Variants in PTPN3 observed in about 807,000 individuals in gnomAD.
PTPN3 encodes tyrosine-protein phosphatase non-receptor type 3.
A neutral mutation model predicts 132.7 loss-of-function variants in PTPN3; 96 were observed. The observed-to-expected ratio is 0.72, with a 90% confidence interval of 0.61 to 0.86. PTPN3 has a LOEUF of 0.86. Among genes scored for constraint, PTPN3 ranks in the 40% least tolerant of loss-of-function variants. PTPN3 has a pLI of 0.00. For synonymous variants in PTPN3, 398 were observed against 429.0 expected (o/e 0.93, Z 0.89); for missense variants, 1,125 against 1,159.6 (o/e 0.97, Z 0.43).
chr9:109,505,479 A>G, the PTPN3 span, among the ~76,000 whole-genome samples: 2 of 152,090 alleles, frequency 1.3e-5, no homozygotes, highest in South Asian at 2.1e-4. Flanking sequence ...AGGTCTTGCT[A>G]TTTTGGCCAG....
In PTPN3 at chr9:109,458,646, G is replaced by A. The variant is rs1003643705; in HGVS notation, c.139-1247C>T. Among the ~76,000 whole-genome samples the A allele has an allele frequency of 2.0e-5, 3 of 152,026 alleles. 1 individual carries two copies. Among genetic ancestry groups the A allele is most frequent in the Non-Finnish European group, 1.5e-5 (1 of 68,018 alleles). Reference sequence around the variant, plus strand: ...TCTGAAGTGTGGGAACATGAAACACGCCCATTTCCTGAACATGCCCCCTTT... The same window carrying A: ...TCTGAAGTGTGGGAACATGAAACACACCCATTTCCTGAACATGCCCCCTTT... On this transcript the variant is annotated intron_variant, in intron 2 of 25. Transcript: ENST00000374541.
rs560987798 is a variant in PTPN3, at chr9:109,472,455, TTTA to T, written c.-17-9007_-17-9005del. ...AATATTTTCTGTTTTCACCATCATTTTTATTTTTTTGCGAACGTTCTTAATGAA... is the reference window on the plus strand; with the variant it reads ...AATATTTTCTGTTTTCACCATCATTTTTTTTTTGCGAACGTTCTTAATGAA... On this transcript the variant is annotated intron_variant, in intron 1 of 25. Transcript: ENST00000374541. Among the ~76,000 whole-genome samples, 19 of 152,372 alleles carry T rather than the reference TTTA, an allele frequency of 1.2e-4. No individual in the cohort carries two copies. In the East Asian group the frequency reaches 3.3e-3, roughly 26 times the overall value.
At chr9:109,408,806 T>A (rs1408900712) in intron 16 of PTPN3, among the ~76,000 whole-genome samples, 15 of 142,770 alleles carry the variant, frequency 1.1e-4, no homozygotes, top group Non-Finnish European at 1.2e-4. Context: ...AATATATATA[T>A]ATATATATAT....
At chr9:109,386,086 G>A (rs1839559087) in intron 22 of PTPN3, among the ~76,000 whole-genome samples, 1 of 152,186 alleles carries the variant, frequency 6.6e-6, no homozygotes, top group Admixed American at 6.5e-5. Flanking sequence ...TCAGAGAAAG[G>A]GATAAATCTG....
chr9:109,516,061 G>A, the PTPN3 span, among the ~76,000 whole-genome samples: 2 of 152,204 alleles, frequency 1.3e-5, no homozygotes, highest in Non-Finnish European at 2.9e-5. Flanking sequence ...TCCACTAGCT[G>A]TGAAACCAGA....
At chr9:109,479,607 T>C (rs1005568877) in intron 1 of PTPN3, among the ~76,000 whole-genome samples, 2 of 152,224 alleles carry the variant, frequency 1.3e-5, no homozygotes, top group Non-Finnish European at 2.9e-5. Flanking sequence ...GACACAGTCT[T>C]CCTCTGTTGC....
intron 5 of PTPN3, chr9:109,449,984 A>C: frequency 1.0e-6 from 1 of 984,208 alleles, no homozygotes; most frequent in Non-Finnish European, 1.2e-6. Context: ...TAAGGTAGGT[A>C]CCACTATCTC....
chr9:109,389,396 A>G lies in PTPN3; in HGVS notation c.2107-17T>C, dbSNP rs544764332. On this transcript the variant is annotated splice_polypyrimidine_tract_variant and intron_variant, in intron 21 of 25. Transcript: ENST00000374541. Reference sequence around the variant, plus strand: ...AATTTCCATCTGGTAAGAAATTGGTAAAGTATTAGAATCTGTTGCTGCCCC... The same window carrying G: ...AATTTCCATCTGGTAAGAAATTGGTGAAGTATTAGAATCTGTTGCTGCCCC... The G allele has an allele frequency of 5.0e-6, 8 of 1,611,232 alleles. No homozygotes were observed. The Middle Eastern group carries it at 5.0e-4, about 101-fold the overall frequency.
At chr9:109,387,033 A>G (rs1839644008) in intron 22 of PTPN3, among the ~76,000 whole-genome samples, 1 of 152,158 alleles carries the variant, frequency 6.6e-6, no homozygotes, top group African/African-American at 2.4e-5. Flanking sequence ...AGGGAGGGGT[A>G]AGACCGATTC....
chr9:109,528,553 A>G, the PTPN3 span, among the ~76,000 whole-genome samples: 1 of 152,160 alleles, frequency 6.6e-6, no homozygotes, highest in Non-Finnish European at 1.5e-5. Flanking sequence ...AAGGCAAAAT[A>G]GTGTTTATCT....
the PTPN3 span, among the ~76,000 whole-genome samples, chr9:109,508,316 A>G: frequency 6.6e-6 from 1 of 151,916 alleles, no homozygotes; most frequent in Non-Finnish European, 1.5e-5. Flanking sequence ...GCCTGCCACT[A>G]TGCCTGGCTA....
chr9:109,407,964 C>T (rs1355277226), intron 17 of PTPN3, among the ~76,000 whole-genome samples: 1 of 152,228 alleles, frequency 6.6e-6, no homozygotes, highest in Non-Finnish European at 1.5e-5. Context: ...ACAGGGCCCA[C>T]GTGCCCACTT....
At chr9:109,459,090 G>A (rs1202830027) in intron 2 of PTPN3, among the ~76,000 whole-genome samples, 17 of 152,172 alleles carry the variant, frequency 1.1e-4, no homozygotes, top group Admixed American at 1.0e-3. Flanking sequence ...CCTCTGAAGT[G>A]CATAATTCAC....
the PTPN3 span, among the ~76,000 whole-genome samples, chr9:109,536,985 G>C: frequency 6.6e-6 from 1 of 151,944 alleles, no homozygotes; most frequent in African/African-American, 2.4e-5. Flanking sequence ...TGTGGTTGGA[G>C]TGTGCGTTTG....
chr9:109,483,319 G>A (rs918984453), intron 1 of PTPN3, among the ~76,000 whole-genome samples: 9 of 152,040 alleles, frequency 5.9e-5, no homozygotes, highest in Non-Finnish European at 1.0e-4. Context: ...GCCCCAGCTC[G>A]GTGCTGGGCT....
At chr9:109,380,593 TC>T (rs1485256380) in intron 25 of PTPN3, among the ~76,000 whole-genome samples, 1 of 152,204 alleles carries the variant, frequency 6.6e-6, no homozygotes, top group African/African-American at 2.4e-5. Context: ...TGGACTTTTT[TC>T]TTTTTAACCA....
At chr9:109,455,120 T>C (rs953979881) in intron 4 of PTPN3, among the ~76,000 whole-genome samples, 5 of 152,244 alleles carry the variant, frequency 3.3e-5, no homozygotes, top group Admixed American at 2.0e-4. Context: ...GATTCTGCTA[T>C]ACCACATTTC....
intron 5 of PTPN3, chr9:109,450,982 G>A: frequency 1.0e-6 from 1 of 983,376 alleles, no homozygotes; most frequent in Non-Finnish European, 1.2e-6. Context: ...GCTGGGGTAA[G>A]ATAACTATGT....
chr9:109,532,610 TC>T, the PTPN3 span, among the ~76,000 whole-genome samples: 64 of 151,220 alleles, frequency 4.2e-4, 4 homozygotes, highest in East Asian at 0.012. Flanking sequence ...TAAACTAAAC[TC>T]ATTTGTTATT....
Sources: gnomAD v4.1 joint callset for allele counts (sites outside exome capture counted in the v4.1 genomes callset) on GRCh38, gnomAD v4.1.1 for gene constraint, MANE v1.5 for transcripts, NCBI Gene and HGNC (gene_info 2026-07-23, HGNC 2026-07-21) for gene names.